Variants in ST18 observed in about 807,000 individuals in gnomAD.
ST18 encodes the protein ST18 C2H2C-type zinc finger transcription factor, also known as suppression of tumorigenicity 18 protein.
Under a neutral mutation model 110.0 loss-of-function variants are expected in ST18, and 50 were observed. The ratio of observed to expected loss-of-function variants is 0.45; its 90% CI spans 0.36 to 0.58. The LOEUF is 0.58. ST18 is among the 20% of genes least tolerant of loss of function. The pLI, the probability that ST18 is intolerant of heterozygous loss-of-function variation, is 0.00. For synonymous variants in ST18, 461 were observed against 452.4 expected, an observed-to-expected ratio of 1.02 and a Z score of -0.24; for missense variants, 1,306 against 1,280.1, an observed-to-expected ratio of 1.02 and a Z score of -0.31.
chr8:52,303,679 A>C (rs947321929), intron 2 of ST18, among the ~76,000 whole-genome samples: 8 of 152,254 alleles, frequency 5.3e-5, no homozygotes. Flanking sequence ...AAACAATGCA[A>C]ACATGAAGAA....
chr8:52,306,080 C>T (rs1296576442), intron 2 of ST18, among the ~76,000 whole-genome samples: 1 of 152,236 alleles, frequency 6.6e-6, no homozygotes, highest in African/African-American at 2.4e-5. Context: ...CACACAGCCA[C>T]ACTCCACATC....
intron 8 of ST18, among the ~76,000 whole-genome samples, chr8:52,187,464 TG>T (rs1245256765): frequency 6.6e-6 from 1 of 152,240 alleles, no homozygotes; most frequent in Non-Finnish European, 1.5e-5. Context: ...AATGATTTAA[TG>T]AGCAGACTTG....
At chr8:52,251,978 A>T (rs2094332209) in intron 2 of ST18, among the ~76,000 whole-genome samples, 1 of 152,104 alleles carries the variant, frequency 6.6e-6, no homozygotes. Flanking sequence ...TCACATAAGG[A>T]CAAGAATTAA....
chr8:52,260,664 G>T (rs1015507265), intron 2 of ST18, among the ~76,000 whole-genome samples: 4 of 152,118 alleles, frequency 2.6e-5, no homozygotes, highest in African/African-American at 7.2e-5. Context: ...TAGCTCCACA[G>T]GTCGGTAATT....
In ST18 at chr8:52,300,803, T is replaced by TA. The variant is rs539889528; in HGVS notation, c.-464-70727dup. Among the ~76,000 whole-genome samples the TA allele has an allele frequency of 3.3e-4, 50 of 152,276 alleles. No homozygotes were observed. The South Asian group carries it at 8.5e-3, about 26-fold the overall frequency. The stretch of plus-strand genomic sequence containing the variant: ...TGATGACCGTATGGCCCACAGAGCC[T>TA]AATATTTACTCCTGGCCCTTTACAG... On this transcript the variant is annotated intron_variant, in intron 2 of 25. Coordinates refer to ENST00000689386, the MANE Select transcript of ST18 (RefSeq NM_001352837.2).
Position 52,165,223 on chromosome 8 carries a change from G to T in ST18, c.1207C>A (p.Leu403Ile). The T allele has an allele frequency of 6.2e-7, 1 of 1,614,124 alleles. No individual in the cohort carries two copies. Among genetic ancestry groups the T allele is most frequent in the Non-Finnish European group, 8.5e-7 (1 of 1,180,014 alleles). Residue 403 changes from leucine to isoleucine, a missense_variant and splice_region_variant, in exon 12 of 26, where the codon CTT becomes ATT. Leu to Ile is a conservative substitution (Grantham distance 5). Coordinates refer to ENST00000689386, the MANE Select transcript of ST18 (RefSeq NM_001352837.2). ...PHKVRVPLEILAMHENVLKCP... is the reference protein window; with the variant it reads ...PHKVRVPLEIIAMHENVLKCP... The stretch of plus-strand genomic sequence containing the variant: ...TTGAGCACATTTTCATGCATGGCAA[G>T]AACTAAGCACAAAACAACACATAAA...
chr8:52,388,850 G>C (rs368313141), intron 2 of ST18, among the ~76,000 whole-genome samples: 18 of 149,196 alleles, frequency 1.2e-4, no homozygotes, highest in African/African-American at 1.5e-4. Context: ...AGCTTTAGGA[G>C]ATATACCTAA....
intron 2 of ST18, among the ~76,000 whole-genome samples, chr8:52,382,847 C>T (rs1423454833): frequency 1.3e-5 from 2 of 151,388 alleles, no homozygotes; most frequent in African/African-American, 4.9e-5. Context: ...AAGTACAGCA[C>T]AGCCAGGAGA....
chr8:52,123,793 CCTG>C (rs748678860), intron 23 of ST18, among the ~76,000 whole-genome samples: 3 of 152,222 alleles, frequency 2.0e-5, no homozygotes, highest in Admixed American at 1.3e-4. Flanking sequence ...AGACAGACCA[CCTG>C]CTGCTGGCCC....
Position 52,171,935 on chromosome 8 carries a change from G to T in ST18, c.926C>A (p.Ala309Glu). The change falls in exon 10 of 26, where the codon GCA becomes GAA. Residue 309 changes from alanine (A) to glutamate (E), a missense_variant. Ala to Glu is a moderately radical substitution (Grantham distance 107). Coordinates refer to ENST00000689386, the MANE Select transcript of ST18 (RefSeq NM_001352837.2). ...AKGNLSLLEQ[A>E]IALQAERGCV... Reference sequence around the variant, plus strand: ...ACCTCGCTCAGCCTGCAGAGCAATTGCCTGCTCCAGCAAACTTAAATTCCC... The same window carrying T: ...ACCTCGCTCAGCCTGCAGAGCAATTTCCTGCTCCAGCAAACTTAAATTCCC... 6.2e-7 allele frequency: 1 copy of T among 1,614,170 alleles called. No individual in the cohort carries two copies. The highest frequency in any genetic ancestry group is 8.5e-7 in the Non-Finnish European group (1 of 1,180,030).
At chr8:52,260,752 T>C (rs2094665612) in intron 2 of ST18, among the ~76,000 whole-genome samples, 1 of 152,198 alleles carries the variant, frequency 6.6e-6, no homozygotes, top group Non-Finnish European at 1.5e-5. Flanking sequence ...TGATTTGTCT[T>C]AAACTAGTTT....
At chr8:52,216,578 T>C (rs1319935626) in intron 6 of ST18, among the ~76,000 whole-genome samples, 2 of 152,174 alleles carry the variant, frequency 1.3e-5, no homozygotes, top group African/African-American at 4.8e-5. Flanking sequence ...TTGTGTCTAC[T>C]CAAGTCTGGG....
intron 2 of ST18, among the ~76,000 whole-genome samples, chr8:52,388,520 T>C (rs888645080): frequency 6.6e-6 from 1 of 152,154 alleles, no homozygotes; most frequent in Non-Finnish European, 1.5e-5. Context: ...GGTTTCCATC[T>C]GTGTTTTAAG....
rs869184166 is a variant in ST18, at chr8:52,178,614, C to CAAAAAAAAAA, written c.277+1498_277+1507dup. Among the ~76,000 whole-genome samples, 10 of 2,362 alleles carry CAAAAAAAAAA rather than the reference C, an allele frequency of 4.2e-3. 1 individual carries two copies. Among genetic ancestry groups the CAAAAAAAAAA allele is most frequent in the African/African-American group, 9.9e-3 (4 of 404 alleles). 1.5% of individuals were successfully genotyped at this position (2,362 alleles called of 152,430 possible). ...CCTGGGCGACAAAGTGAGACTCCAT[C>CAAAAAAAAAA]AAAAAAAAAAAAAAAAAAAAAAAAA... On this transcript the variant is annotated intron_variant, in intron 9 of 25. Transcript: ENST00000689386.
At chr8:52,203,070 G>A (rs2078565858) in intron 8 of ST18, among the ~76,000 whole-genome samples, 1 of 152,096 alleles carries the variant, frequency 6.6e-6, no homozygotes, top group Admixed American at 6.6e-5. Flanking sequence ...TCATGTACGA[G>A]GCCTACACTG....
intron 2 of ST18, among the ~76,000 whole-genome samples, chr8:52,286,190 C>T (rs561171457): frequency 5.9e-5 from 9 of 152,308 alleles, no homozygotes; most frequent in African/African-American, 2.2e-4. Context: ...TATTCCTTCA[C>T]ATGAAGTTTA....
intron 2 of ST18, among the ~76,000 whole-genome samples, chr8:52,256,984 G>A (rs1235681240): frequency 1.3e-5 from 2 of 151,938 alleles, no homozygotes; most frequent in Non-Finnish European, 2.9e-5. Context: ...CTCTCACCCA[G>A]GCAACCACTG....
At chr8:52,344,557 C>T (rs1003286694) in intron 2 of ST18, among the ~76,000 whole-genome samples, 1 of 151,882 alleles carries the variant, frequency 6.6e-6, no homozygotes, top group African/African-American at 2.4e-5. Flanking sequence ...CCCACCACCT[C>T]GCTCCACTAA....
intron 8 of ST18, among the ~76,000 whole-genome samples, chr8:52,200,395 G>A (rs1422961305): frequency 1.3e-5 from 2 of 152,206 alleles, no homozygotes; most frequent in Non-Finnish European, 2.9e-5. Context: ...TGTGAGACTC[G>A]CAGCTGTGCG....
Sources: allele counts gnomAD v4.1 joint callset (sites outside exome capture counted in the v4.1 genomes callset), GRCh38; gene constraint gnomAD v4.1.1; transcripts MANE v1.5; gene names NCBI Gene and HGNC (gene_info 2026-07-23, HGNC 2026-07-21).